The following PRELID2 variants were observed in gnomAD, a reference collection of about 807,000 sequenced individuals.
The protein encoded by PRELID2 is PRELI domain containing 2, also known as PRELI domain-containing protein 2.
A neutral mutation model predicts 28.4 loss-of-function variants in PRELID2; 25 were observed. That is an observed-to-expected ratio of 0.88 (90% CI 0.64 to 1.23). The LOEUF is 1.23. Ranked by LOEUF, PRELID2 falls within the 50% of genes most tolerant of loss-of-function variation. The probability of loss-of-function intolerance (pLI) is 0.00; values close to 1 mark genes in which losing one functional copy is unlikely to be tolerated. For missense variants in PRELID2, 201 were observed against 214.4 expected (o/e 0.94, Z 0.39); for synonymous variants, 76 against 71.6 (o/e 1.06, Z -0.31).
chr5:145,330,665 T>G, the PRELID2 span, among the ~76,000 whole-genome samples: 1 of 152,194 alleles, frequency 6.6e-6, no homozygotes, highest in Non-Finnish European at 1.5e-5. Context: ...CTTTTCTCTT[T>G]TCTTCTTTAT....
At chr5:145,303,327 T>G in the PRELID2 span, among the ~76,000 whole-genome samples, 1 of 152,236 alleles carries the variant, frequency 6.6e-6, no homozygotes, top group Non-Finnish European at 1.5e-5. Flanking sequence ...ATTATCTGAA[T>G]ATGATTGTAA....
intron 1 of PRELID2, among the ~76,000 whole-genome samples, chr5:145,494,363 T>C (rs550651088): frequency 6.8e-4 from 103 of 152,252 alleles, no homozygotes; most frequent in Middle Eastern, 6.8e-3. Flanking sequence ...CTTGAAAAAA[T>C]ACTTCTTTGA....
intron 1 of PRELID2, among the ~76,000 whole-genome samples, chr5:145,506,163 A>C (rs1411146574): frequency 1.3e-5 from 2 of 152,212 alleles, no homozygotes; most frequent in Non-Finnish European, 2.9e-5. Flanking sequence ...TTGACCCACA[A>C]GAGCCTGTAT....
chr5:145,644,612 G>A (rs550111260), intron 1 of PRELID2, among the ~76,000 whole-genome samples: 44 of 152,196 alleles, frequency 2.9e-4, no homozygotes, highest in African/African-American at 6.7e-4. Flanking sequence ...ATGTTAGGGC[G>A]TCAATTTTAG....
intron 1 of PRELID2, among the ~76,000 whole-genome samples, chr5:145,628,700 T>A (rs1753890483): frequency 6.6e-6 from 1 of 152,178 alleles, no homozygotes; most frequent in East Asian, 1.9e-4. Flanking sequence ...AGCCAGCTCC[T>A]CCTCTTCTTT....
chr5:145,289,141 A>ATT, the PRELID2 span, among the ~76,000 whole-genome samples: 41 of 151,876 alleles, frequency 2.7e-4, no homozygotes, highest in African/African-American at 9.9e-4. Flanking sequence ...CTCCTAAATG[A>ATT]TTTTTTTTAA....
chr5:145,681,649 C>T (rs754986826), intron 1 of PRELID2, among the ~76,000 whole-genome samples: 4 of 152,136 alleles, frequency 2.6e-5, no homozygotes, highest in African/African-American at 7.2e-5. Context: ...ACACCATAAA[C>T]GGTAGCTATT....
rs143456154 is a variant in PRELID2, at chr5:145,831,131, A to T, written c.75+4046T>A. Among the ~76,000 whole-genome samples, 596 of 152,344 alleles carry T rather than the reference A, an allele frequency of 3.9e-3. 3 individuals carry two copies. Among genetic ancestry groups the T allele is most frequent in the African/African-American group, 0.014 (567 of 41,572 alleles). On this transcript the variant is annotated intron_variant, in intron 1 of 6. Transcript: ENST00000683046. ...ATAATTCTTACTACCTTAGGCTTAT[A>T]AAAAAGCTTATGCTTTTCAAACTGT...
the PRELID2 span, among the ~76,000 whole-genome samples, chr5:145,466,541 A>G: frequency 1.3e-5 from 2 of 152,138 alleles, no homozygotes; most frequent in Non-Finnish European, 2.9e-5. Context: ...TCTATCTATA[A>G]CTATGTAAAA....
At chr5:145,244,502 A>T in the PRELID2 span, among the ~76,000 whole-genome samples, 2 of 152,034 alleles carry the variant, frequency 1.3e-5, no homozygotes, top group African/African-American at 4.8e-5. Flanking sequence ...TGGGGGAATG[A>T]ACAGGAGGGA....
rs182048995 is a variant in PRELID2 at position 145,771,909 on chromosome 5, G to A, written c.475-6909C>T. On this transcript the variant is annotated intron_variant, in intron 5 of 6. Coordinates refer to ENST00000683046, the MANE Select transcript of PRELID2 (RefSeq NM_205846.3). ...GGAGTGGGAACTGCATGGGAGGAAG[G>A]AAGAGATGAAGGGAGGAAAGGGCGA... 3.9e-5 allele frequency among the ~76,000 whole-genome samples: 6 copies of A among 152,198 alleles called. No homozygotes were observed. The East Asian group carries it at 1.2e-3, about 29-fold the overall frequency.
chr5:145,454,022 T>A, the PRELID2 span, among the ~76,000 whole-genome samples: 1 of 152,174 alleles, frequency 6.6e-6, no homozygotes, highest in African/African-American at 2.4e-5. Flanking sequence ...TCATTCTAGA[T>A]CCTTGAGGAA....
the PRELID2 span, among the ~76,000 whole-genome samples, chr5:145,234,536 T>C: frequency 6.6e-6 from 1 of 152,136 alleles, no homozygotes; most frequent in Non-Finnish European, 1.5e-5. Flanking sequence ...ATTCTAAACA[T>C]GTCTGCTTTG....
At chr5:145,828,056 GA>G (rs1229823634) in intron 1 of PRELID2, among the ~76,000 whole-genome samples, 4 of 152,234 alleles carry the variant, frequency 2.6e-5, no homozygotes, top group East Asian at 3.9e-4. Context: ...ATTTATAAAT[GA>G]AAAGAAATAA....
At chr5:145,439,958 C>T in the PRELID2 span, among the ~76,000 whole-genome samples, 2 of 152,218 alleles carry the variant, frequency 1.3e-5, no homozygotes, top group East Asian at 3.9e-4. Context: ...ATGGACTCCA[C>T]CATTTGTGCC....
chr5:145,774,641 T>C (rs1276465327), intron 5 of PRELID2, among the ~76,000 whole-genome samples: 1 of 152,232 alleles, frequency 6.6e-6, no homozygotes, highest in Non-Finnish European at 1.5e-5. Flanking sequence ...GCTCACCTCA[T>C]GCTTGCTCAC....
chr5:145,633,172 A>C (rs1337429347), intron 1 of PRELID2, among the ~76,000 whole-genome samples: 1 of 152,178 alleles, frequency 6.6e-6, no homozygotes, highest in African/African-American at 2.4e-5. Flanking sequence ...GCCCTGTAAA[A>C]TGCTGAACAA....
chr5:145,734,290 G>C (rs1417948344), intron 1 of PRELID2, among the ~76,000 whole-genome samples: 1 of 152,014 alleles, frequency 6.6e-6, no homozygotes, highest in African/African-American at 2.4e-5. Context: ...TCAAAAACTT[G>C]ATTTTAGTCC....
At chr5:145,566,148 A>G (rs1752965709) in intron 1 of PRELID2, among the ~76,000 whole-genome samples, 1 of 152,244 alleles carries the variant, frequency 6.6e-6, no homozygotes, top group African/African-American at 2.4e-5. Context: ...TGTTCTTGCA[A>G]TGGTGACAAC....
Sources: gnomAD v4.1 joint callset for allele counts (sites outside exome capture counted in the v4.1 genomes callset) on GRCh38, gnomAD v4.1.1 for gene constraint, MANE v1.5 for transcripts, NCBI Gene and HGNC (gene_info 2026-07-23, HGNC 2026-07-21) for gene names.